ZBTB7C: variants seen among roughly 807,000 people sequenced by gnomAD.
The protein encoded by ZBTB7C is zinc finger and BTB domain containing 7C.
ZBTB7C carries 8 observed loss-of-function variants against 25.7 expected under a neutral mutation model. That is an observed-to-expected ratio of 0.31 (90% CI 0.18 to 0.56). ZBTB7C has a LOEUF of 0.56. ZBTB7C is among the 20% of genes least tolerant of loss of function. The probability of loss-of-function intolerance (pLI) is 0.91; values close to 1 mark genes in which losing one functional copy is unlikely to be tolerated. For missense variants in ZBTB7C, 824 were observed against 855.2 expected, an observed-to-expected ratio of 0.96 and a Z score of 0.46; for synonymous variants, 394 against 369.0, an observed-to-expected ratio of 1.07 and a Z score of -0.78.
In ZBTB7C at chr18:48,398,683, C is replaced by G. The variant is rs543532085; in HGVS notation, c.-304+10543G>C. On this transcript the variant is annotated intron_variant, in intron 1 of 4. Transcript: ENST00000590800. Reference sequence around the variant, plus strand: ...TATCTCAGACCCCACCGCTTCCCCACCCCCACAACGTGAGCACCATCCCTC... The same window carrying G: ...TATCTCAGACCCCACCGCTTCCCCAGCCCCACAACGTGAGCACCATCCCTC... Among the ~76,000 whole-genome samples the G allele has an allele frequency of 9.9e-5, 15 of 152,178 alleles. No homozygotes were observed. The South Asian group carries it at 3.1e-3, about 32-fold the overall frequency.
At chr18:48,219,301 C>T (rs986039300) in intron 2 of ZBTB7C, among the ~76,000 whole-genome samples, 6 of 152,194 alleles carry the variant, frequency 3.9e-5, no homozygotes, top group Non-Finnish European at 7.3e-5. Context: ...CTGGGCTCTC[C>T]CTCCTAGCAA....
intron 3 of ZBTB7C, chr18:48,041,589 G>C: frequency 1.0e-6 from 1 of 977,604 alleles, no homozygotes; most frequent in Non-Finnish European, 1.2e-6. Flanking sequence ...TTCTGTAACA[G>C]ACTTACACTT....
At chr18:48,107,332 T>C (rs1568223890) in intron 3 of ZBTB7C, among the ~76,000 whole-genome samples, 1 of 139,814 alleles carries the variant, frequency 7.2e-6, no homozygotes, top group Non-Finnish European at 1.5e-5. Context: ...TGAAAGGCAA[T>C]GGGAAAAGGG....
At chr18:48,411,085 C>T (rs1328094603), upstream of ZBTB7C, among the ~76,000 whole-genome samples, 2 of 152,022 alleles carry the variant, frequency 1.3e-5, no homozygotes, top group African/African-American at 4.8e-5. Flanking sequence ...GTGTAATAAA[C>T]GCACATTGCA....
rs556203943 is a variant in ZBTB7C at position 48,053,280 on chromosome 18, C to T, written c.-16-12157G>A. Among the ~76,000 whole-genome samples the T allele has an allele frequency of 1.1e-4, 16 of 152,308 alleles. No homozygotes were observed. In the East Asian group the frequency reaches 3.1e-3, roughly 29 times the overall value. On this transcript the variant is annotated intron_variant, in intron 3 of 4. Transcript: ENST00000590800. ...CTGCAGAATGTGCACAGATTCATTA[C>T]AGACACCCCACAGGCCTTGCATGCG...
intron 3 of ZBTB7C, among the ~76,000 whole-genome samples, chr18:48,068,407 G>T (rs1168557119): frequency 2.0e-5 from 3 of 151,950 alleles, no homozygotes; most frequent in East Asian, 1.9e-4. Context: ...CCAAAGTTCT[G>T]GGATTACAGA....
intron 2 of ZBTB7C, among the ~76,000 whole-genome samples, chr18:48,214,865 G>C (rs1414443175): frequency 6.6e-6 from 1 of 152,148 alleles, no homozygotes; most frequent in African/African-American, 2.4e-5. Context: ...TCCACCTCTT[G>C]GCTATTGTGA....
At chr18:48,155,841 G>A (rs1211605545) in intron 3 of ZBTB7C, among the ~76,000 whole-genome samples, 1 of 152,124 alleles carries the variant, frequency 6.6e-6, no homozygotes, top group African/African-American at 2.4e-5. Context: ...AGAAAAACCA[G>A]ATTTTTAGAT....
At chr18:48,206,326 A>T (rs1194274818) in intron 2 of ZBTB7C, among the ~76,000 whole-genome samples, 1 of 152,194 alleles carries the variant, frequency 6.6e-6, no homozygotes, top group Non-Finnish European at 1.5e-5. Context: ...GGTCCACTGC[A>T]TTTCAGCTGG....
intron 2 of ZBTB7C, among the ~76,000 whole-genome samples, chr18:48,306,153 A>G (rs7233597): frequency 0.18 from 26,888 of 152,162 alleles, 2,474 homozygotes; most frequent in African/African-American, 0.2. Flanking sequence ...GAAATTTGAC[A>G]GTCAGCACCC....
At chr18:48,092,518 G>A (rs2038457860) in intron 3 of ZBTB7C, among the ~76,000 whole-genome samples, 1 of 152,248 alleles carries the variant, frequency 6.6e-6, no homozygotes, top group Non-Finnish European at 1.5e-5. Context: ...GTTGAATTGG[G>A]TGTGGAGGAG....
At chr18:48,154,741 CCT>C (rs1204944506) in intron 3 of ZBTB7C, among the ~76,000 whole-genome samples, 1 of 152,130 alleles carries the variant, frequency 6.6e-6, no homozygotes, top group African/African-American at 2.4e-5. Flanking sequence ...ATGCACTCGC[CCT>C]CACCCTCCAT....
At chr18:48,184,596 G>C (rs972545777) in intron 3 of ZBTB7C, among the ~76,000 whole-genome samples, 2 of 151,970 alleles carry the variant, frequency 1.3e-5, no homozygotes, top group Non-Finnish European at 2.9e-5. Context: ...CTGCTTGCTT[G>C]GGACAAATAT....
intron 1 of ZBTB7C, among the ~76,000 whole-genome samples, chr18:48,372,796 G>A (rs1291676667): frequency 6.6e-6 from 1 of 152,100 alleles, no homozygotes; most frequent in African/African-American, 2.4e-5. Context: ...AGGTCCTGGA[G>A]GCACCATGCC....
intron 4 of ZBTB7C, among the ~76,000 whole-genome samples, chr18:48,036,702 C>T (rs1050789695): frequency 1.3e-5 from 2 of 152,136 alleles, no homozygotes; most frequent in Admixed American, 6.5e-5. Context: ...AGTGGCGTGG[C>T]CTTGGAAGGG....
At chr18:48,210,610 G>A (rs1160095124) in intron 2 of ZBTB7C, among the ~76,000 whole-genome samples, 1 of 152,128 alleles carries the variant, frequency 6.6e-6, no homozygotes, top group Non-Finnish European at 1.5e-5. Flanking sequence ...TCCAGCAAAG[G>A]CAAATTATTA....
At chr18:48,117,063 G>T (rs117931329) in intron 3 of ZBTB7C, among the ~76,000 whole-genome samples, 1 of 152,000 alleles carries the variant, frequency 6.6e-6, no homozygotes, top group Admixed American at 6.6e-5. Flanking sequence ...GCTGGGCTGG[G>T]CGTGGTTAGA....
chr18:48,131,046 G>A (rs1319673911), intron 3 of ZBTB7C, among the ~76,000 whole-genome samples: 1 of 152,176 alleles, frequency 6.6e-6, no homozygotes, highest in African/African-American at 2.4e-5. Flanking sequence ...TGGGATTACA[G>A]GTGCGTGCCA....
chr18:48,372,901 C>CAA (rs1206148307), intron 1 of ZBTB7C, among the ~76,000 whole-genome samples: 2 of 152,140 alleles, frequency 1.3e-5, no homozygotes, highest in African/African-American at 4.8e-5. Context: ...AATCGTTCCT[C>CAA]AATACCCAGC....
Sources: gnomAD v4.1 joint callset for allele counts (sites outside exome capture counted in the v4.1 genomes callset) on GRCh38, gnomAD v4.1.1 for gene constraint, MANE v1.5 for transcripts, NCBI Gene and HGNC (gene_info 2026-07-23, HGNC 2026-07-21) for gene names.